Variants in DYM observed in about 807,000 individuals in gnomAD.
DYM encodes the protein dymeclin, also known as dyggve-Melchior-Clausen syndrome protein.
Under a neutral mutation model 93.1 loss-of-function variants are expected in DYM, and 78 were observed. The observed-to-expected ratio is 0.84, with a 90% CI of 0.70 to 1.01. The LOEUF is 1.01. Ranked by LOEUF, DYM falls within the 50% of genes least tolerant of loss-of-function variation. DYM has a pLI of 0.00. For missense variants in DYM, 789 were observed against 845.0 expected (o/e 0.93, Z 0.82); for synonymous variants, 321 against 319.7 (o/e 1.00, Z -0.04).
intron 1 of DYM, among the ~76,000 whole-genome samples, chr18:49,441,152 AATAT>A (rs1387023251): frequency 1.5e-3 from 15 of 10,304 alleles, no homozygotes; most frequent in Non-Finnish European, 2.9e-3. Context: ...TATATAATAT[AATAT>A]ATATTATATA....
chr18:49,378,133 A>T (rs1366780270), intron 5 of DYM, among the ~76,000 whole-genome samples: 2 of 152,214 alleles, frequency 1.3e-5, no homozygotes, highest in African/African-American at 4.8e-5. Flanking sequence ...AGACACTCAG[A>T]CCCAGAAGCT....
chr18:49,149,776 G>A (rs1180290162), intron 15 of DYM, among the ~76,000 whole-genome samples: 3 of 130,478 alleles, frequency 2.3e-5, no homozygotes, highest in Non-Finnish European at 4.6e-5. Flanking sequence ...GCACAATCTC[G>A]GCTCACTGCA....
intron 15 of DYM, among the ~76,000 whole-genome samples, chr18:49,142,861 A>AT (rs2084677409): frequency 6.6e-6 from 1 of 152,196 alleles, no homozygotes; most frequent in African/African-American, 2.4e-5. Flanking sequence ...GCTATTGATA[A>AT]AACCCCAGTT....
chr18:49,079,124 CT>C (rs2077560853), intron 17 of DYM, among the ~76,000 whole-genome samples: 1 of 152,106 alleles, frequency 6.6e-6, no homozygotes, highest in Non-Finnish European at 1.5e-5. Context: ...CCATTTGGCC[CT>C]TTTTAATTGT....
intron 8 of DYM, among the ~76,000 whole-genome samples, chr18:49,305,824 T>C (rs751886180): frequency 6.6e-6 from 1 of 152,098 alleles, no homozygotes; most frequent in Non-Finnish European, 1.5e-5. Flanking sequence ...CTTAAACCCA[T>C]CCTAATTAGC....
intron 14 of DYM, among the ~76,000 whole-genome samples, chr18:49,167,010 G>C (rs970804873): frequency 6.7e-6 from 1 of 150,252 alleles, no homozygotes; most frequent in African/African-American, 2.4e-5. Flanking sequence ...GTGTGTGTGT[G>C]TGTGTGTGTG....
chr18:49,294,372 T>C (rs2060383297), intron 8 of DYM, among the ~76,000 whole-genome samples: 2 of 152,212 alleles, frequency 1.3e-5, no homozygotes, highest in African/African-American at 2.4e-5. Flanking sequence ...GGTAGCTTGA[T>C]GGGGATGGCA....
intron 1 of DYM, among the ~76,000 whole-genome samples, chr18:49,457,992 G>A (rs1428995922): frequency 6.6e-6 from 1 of 152,190 alleles, no homozygotes; most frequent in Non-Finnish European, 1.5e-5. Flanking sequence ...AACCTCCAGA[G>A]AAGAACACAG....
chr18:49,148,532 C>T (rs2085430869), intron 15 of DYM, among the ~76,000 whole-genome samples: 1 of 152,014 alleles, frequency 6.6e-6, no homozygotes, highest in African/African-American at 2.4e-5. Context: ...TGCTAGATTA[C>T]AGGTGCAAGC....
chr18:49,116,849 G>A (rs927983246), intron 16 of DYM, among the ~76,000 whole-genome samples: 1 of 152,118 alleles, frequency 6.6e-6, no homozygotes, highest in East Asian at 1.9e-4. Context: ...TGTTCCTTAG[G>A]CAAAACTTTG....
At chr18:49,085,569 A>G (rs1201580807) in intron 17 of DYM, among the ~76,000 whole-genome samples, 2 of 148,110 alleles carry the variant, frequency 1.4e-5, no homozygotes, top group African/African-American at 2.5e-5. Context: ...CTAACAGAAG[A>G]GTCAAAATTG....
chr18:49,406,399 A>G (rs190988541), intron 2 of DYM, among the ~76,000 whole-genome samples: 1 of 152,098 alleles, frequency 6.6e-6, no homozygotes, highest in Non-Finnish European at 1.5e-5. Context: ...CGTCTCTACT[A>G]AAAATACAAA....
At chr18:49,199,544 T>C (rs2091831300) in intron 14 of DYM, among the ~76,000 whole-genome samples, 1 of 152,220 alleles carries the variant, frequency 6.6e-6, no homozygotes, top group Non-Finnish European at 1.5e-5. Context: ...GTAATGAATA[T>C]GTAATTCAAA....
At position 49,252,364 on chromosome 18, in the gene DYM, C is replaced by T. The variant is rs1379322352; in HGVS notation, c.1460+4646G>A. Among the ~76,000 whole-genome samples, 10 of 151,932 alleles carry T rather than the reference C, an allele frequency of 6.6e-5. 2 individuals are homozygous for T. The East Asian group carries it at 1.4e-3, about 21-fold the overall frequency. On this transcript the variant is annotated intron_variant, in intron 13 of 17. Coordinates refer to ENST00000675505, the MANE Select transcript of DYM (RefSeq NM_001353214.3). The stretch of plus-strand genomic sequence containing the variant: ...GGAAGGTGAAGGAGAAGCACGGCAC[C>T]TTCTTCACAAAGTGGCAGGGAGAAG...
intron 3 of DYM, among the ~76,000 whole-genome samples, chr18:49,391,023 T>C (rs1456790000): frequency 6.6e-6 from 1 of 152,204 alleles, no homozygotes; most frequent in Non-Finnish European, 1.5e-5. Context: ...TTTGCTGACA[T>C]AAATGGTTTG....
chr18:49,286,619 G>A lies in DYM; in HGVS notation c.764-3C>T, dbSNP rs749868412. 5 of 1,613,504 alleles carry A rather than the reference G, an allele frequency of 3.1e-6. No homozygotes were observed. The highest frequency in any genetic ancestry group is 3.4e-6 in the Non-Finnish European group (4 of 1,179,864). On this transcript the variant is annotated splice_polypyrimidine_tract_variant and splice_region_variant and intron_variant, in intron 8 of 17. Coordinates refer to ENST00000675505, the MANE Select transcript of DYM (RefSeq NM_001353214.3). ...TGTGAAGACAGTCCAGAGTCCTGCT[G>A]GGGAGGAAAACACCCTGTTAGGATG... is the stretch of plus-strand genomic sequence containing the variant.
chr18:49,141,805 T>C (rs1420409809), intron 15 of DYM, among the ~76,000 whole-genome samples: 1 of 152,210 alleles, frequency 6.6e-6, no homozygotes, highest in African/African-American at 2.4e-5. Flanking sequence ...TTCATCGCTA[T>C]GGACTCAATG....
At chr18:49,055,792 C>T (rs1469623140) in intron 17 of DYM, among the ~76,000 whole-genome samples, 2 of 152,220 alleles carry the variant, frequency 1.3e-5, no homozygotes, top group Non-Finnish European at 2.9e-5. Context: ...CAAAGGTCTC[C>T]CCGCCTTCGT....
chr18:49,110,813 T>C (rs886970475), intron 16 of DYM, among the ~76,000 whole-genome samples: 1 of 152,218 alleles, frequency 6.6e-6, no homozygotes, highest in African/African-American at 2.4e-5. Context: ...TCTCTTCTCC[T>C]TGTGAGACTC....
Sources: allele counts gnomAD v4.1 joint callset (sites outside exome capture counted in the v4.1 genomes callset), GRCh38; gene constraint gnomAD v4.1.1; transcripts MANE v1.5; gene names NCBI Gene and HGNC (gene_info 2026-07-23, HGNC 2026-07-21).